ABCA13: variants seen among roughly 807,000 people sequenced by gnomAD.
The protein encoded by ABCA13 is ATP binding cassette subfamily A member 13.
In ABCA13, 476 loss-of-function variants were observed where a neutral mutation model predicts 478.7. The ratio of observed to expected loss-of-function variants is 0.99; its 90% CI spans 0.92 to 1.07. ABCA13 has a LOEUF of 1.07. Among genes scored for constraint, ABCA13 ranks in the 50% least tolerant of loss-of-function variants. The probability of loss-of-function intolerance (pLI) is 0.00; values close to 1 mark genes in which losing one functional copy is unlikely to be tolerated. For missense variants in ABCA13, 6,060 were observed against 5,910.6 expected, an observed-to-expected ratio of 1.03 and a Z score of -0.83; for synonymous variants, 2,252 against 2,158.9, an observed-to-expected ratio of 1.04 and a Z score of -1.20.
intron 42 of ABCA13, among the ~76,000 whole-genome samples, chr7:48,442,856 T>G (rs1823811358): frequency 6.6e-6 from 1 of 152,214 alleles, no homozygotes; most frequent in Non-Finnish European, 1.5e-5. Context: ...AATCATAAGT[T>G]ATGGGGCTAT....
chr7:48,209,071 T>C lies in ABCA13; in HGVS notation c.288-10283T>C, dbSNP rs191785240. ...TCTATTGATATGATTATATAGTTTT[T>C]GTCCTTTGTCTTTTGATGTGATGTA... On this transcript the variant is annotated intron_variant, in intron 3 of 61. Coordinates refer to ENST00000435803, the MANE Select transcript of ABCA13 (RefSeq NM_152701.5). Among the ~76,000 whole-genome samples the C allele has an allele frequency of 2.2e-3, 338 of 152,288 alleles. 2 individuals are homozygous for C. The highest frequency in any genetic ancestry group is 0.014 in the Middle Eastern group (4 of 294).
chr7:48,311,062 T>G (rs559847161), intron 24 of ABCA13, among the ~76,000 whole-genome samples: 1 of 152,260 alleles, frequency 6.6e-6, no homozygotes, highest in African/African-American at 2.4e-5. Flanking sequence ...TGTTTTCCCT[T>G]TAGGGAAGTA....
chr7:48,330,485 G>GTCCATCCATCCGTCCATCCA (rs1805161764), intron 27 of ABCA13, among the ~76,000 whole-genome samples: 1 of 134,856 alleles, frequency 7.4e-6, no homozygotes, highest in Non-Finnish European at 1.6e-5. Context: ...CCATCCATCC[G>GTCCATCCATCCGTCCATCCA]TCCATCCATC....
At chr7:48,432,421 A>T (rs1041173794) in intron 42 of ABCA13, among the ~76,000 whole-genome samples, 8 of 152,152 alleles carry the variant, frequency 5.3e-5, no homozygotes, top group Non-Finnish European at 1.2e-4. Flanking sequence ...AAAGTTCTTT[A>T]AAAAATTAAA....
rs991936685 is a variant in ABCA13, at chr7:48,541,755, T to A, written c.14354+13410T>A. Among the ~76,000 whole-genome samples, 10 of 145,898 alleles carry A rather than the reference T, an allele frequency of 6.9e-5. 1 individual carries two copies. The highest frequency in any genetic ancestry group is 1.1e-4 in the Non-Finnish European group (7 of 64,324). On this transcript the variant is annotated intron_variant, in intron 55 of 61. Transcript: ENST00000435803. ...ATATAAAATATCATGTATATAAATA[T>A]CATATGATATATATCTTAGTTATAT... is the stretch of plus-strand genomic sequence containing the variant.
intron 43 of ABCA13, among the ~76,000 whole-genome samples, chr7:48,459,383 A>G (rs1041404971): frequency 6.6e-6 from 1 of 152,120 alleles, no homozygotes; most frequent in African/African-American, 2.4e-5. Flanking sequence ...GAACTTCAGA[A>G]TGACACAATC....
intron 31 of ABCA13, among the ~76,000 whole-genome samples, chr7:48,359,186 G>A (rs748747399): frequency 2.6e-4 from 39 of 151,870 alleles, no homozygotes; most frequent in Non-Finnish European, 4.4e-4. Context: ...GAGGGGCAAC[G>A]CCAGGCACTG....
chr7:48,183,951 T>C (rs1796034914), intron 1 of ABCA13, among the ~76,000 whole-genome samples: 1 of 152,236 alleles, frequency 6.6e-6, no homozygotes, highest in Non-Finnish European at 1.5e-5. Context: ...ATAGTATTCT[T>C]AAGGTTGAAA....
intron 1 of ABCA13, 51 bp downstream of exon 1, chr7:48,171,603 G>A: frequency 6.6e-7 from 1 of 1,525,642 alleles, no homozygotes; most frequent in South Asian, 1.2e-5. Context: ...TCTGGAGCAA[G>A]ATCAGGGTCT....
At chr7:48,189,781 T>C (rs933636547) in intron 1 of ABCA13, among the ~76,000 whole-genome samples, 6 of 152,098 alleles carry the variant, frequency 3.9e-5, no homozygotes, top group African/African-American at 1.4e-4. Context: ...ATAAAAGGAT[T>C]GATAAATTAA....
chr7:48,595,526 A>T (rs1790192893), intron 58 of ABCA13, among the ~76,000 whole-genome samples: 1 of 152,208 alleles, frequency 6.6e-6, no homozygotes, highest in Non-Finnish European at 1.5e-5. Context: ...AAGCTAACAA[A>T]TTTAGCTTGA....
At chr7:48,568,092 A>G (rs994260182) in intron 55 of ABCA13, among the ~76,000 whole-genome samples, 2 of 152,118 alleles carry the variant, frequency 1.3e-5, no homozygotes, top group Non-Finnish European at 2.9e-5. Flanking sequence ...GATTTTTACC[A>G]TATTCATAAA....
intron 2 of ABCA13, among the ~76,000 whole-genome samples, chr7:48,193,971 A>G (rs1310935246): frequency 8.3e-6 from 1 of 121,136 alleles, no homozygotes; most frequent in Non-Finnish European, 1.8e-5. Flanking sequence ...GATTGAGATG[A>G]TGGTGATGAT....
At position 48,313,146 on chromosome 7, in the gene ABCA13, A is replaced by G. The variant is rs1345678531; in HGVS notation, c.9596A>G (p.Lys3199Arg). Residue 3199 changes from lysine (K) to arginine (R), a missense_variant, in exon 25 of 62, where the codon AAA (lysine) becomes AGA (arginine). Lys to Arg is a conservative substitution (Grantham distance 26). Around this residue, in one of 3 missense-constraint regions of ABCA13, gnomAD observed 4,423 missense variants for 4,309.1 expected, o/e 1.03. Transcript: ENST00000435803. ...TCCAGCCTCAGCGCCTTGCTTGCCAAAGCCCAGCACGTCTTTGAGTATCTT... is the reference window on the plus strand; with the variant it reads ...TCCAGCCTCAGCGCCTTGCTTGCCAGAGCCCAGCACGTCTTTGAGTATCTT... Reference protein sequence around the residue: ...IVSSLSALLAKAQHVFEYLPE... With the variant: ...IVSSLSALLARAQHVFEYLPE... 2 of 1,613,202 alleles carry G rather than the reference A, an allele frequency of 1.2e-6. No homozygotes were observed. Among genetic ancestry groups the G allele is most frequent in the South Asian group, 1.1e-5 (1 of 90,856 alleles).
chr7:48,576,958 A>G (rs866034528), intron 55 of ABCA13, among the ~76,000 whole-genome samples: 5 of 152,224 alleles, frequency 3.3e-5, no homozygotes, highest in Admixed American at 6.5e-5. Flanking sequence ...ATATTTGGAC[A>G]TTAAATAACC....
rs984734780 is a variant in ABCA13 at position 48,271,851 on chromosome 7, C to T, written c.2185C>T (p.Gln729Ter). 6.3e-7 allele frequency: 1 copy of T among 1,591,216 alleles called. No individual in the cohort carries two copies. Among genetic ancestry groups the T allele is most frequent in the Non-Finnish European group, 8.6e-7 (1 of 1,167,544 alleles). Reference protein sequence around the residue: ...EKKLHTLEDEQMNFLLSFVEF... With the variant: ...EKKLHTLEDE ...GAAGTTGCACACCCTTGAGGATGAA[C>T]AAATGAACTTTCTTTTATCATTTGT... The change falls in exon 17 of 62, where the codon CAA (glutamine) becomes TAA (stop). Residue 729 changes from glutamine (Q) to a stop codon, truncating the protein, a stop_gained. Transcript: ENST00000435803. LOFTEE classifies it high-confidence loss of function.
At chr7:48,473,871 C>G (rs1443967744) in intron 45 of ABCA13, among the ~76,000 whole-genome samples, 2 of 152,136 alleles carry the variant, frequency 1.3e-5, no homozygotes, top group South Asian at 4.1e-4. Context: ...GCTTTCTTCT[C>G]TTAGACGAAA....
intron 28 of ABCA13, 67 bp downstream of exon 28, chr7:48,335,602 G>T: frequency 1.6e-6 from 2 of 1,276,466 alleles, no homozygotes; most frequent in South Asian, 1.3e-5. Context: ...AGACATCAGG[G>T]CTGCCCTGTA....
chr7:48,367,981 A>T, intron 32 of ABCA13, 73 bp downstream of exon 32: 3 of 1,172,226 alleles, frequency 2.6e-6, no homozygotes, highest in Non-Finnish European at 3.6e-6. Context: ...ATCTTGTCCC[A>T]TAACCAACCT....
Sources: allele counts gnomAD v4.1 joint callset (sites outside exome capture counted in the v4.1 genomes callset), GRCh38; gene constraint gnomAD v4.1.1; regional missense constraint gnomAD v4.1.1; transcripts MANE v1.5; gene names NCBI Gene and HGNC (gene_info 2026-07-23, HGNC 2026-07-21).